CRBN: variants seen among roughly 807,000 people sequenced by gnomAD.
The protein encoded by CRBN is protein cereblon.
A neutral mutation model predicts 62.2 loss-of-function variants in CRBN; 53 were observed. That is an observed-to-expected ratio of 0.85 (90% confidence interval 0.68 to 1.07). CRBN has a LOEUF of 1.07. CRBN is among the 50% of genes least tolerant of loss of function. CRBN has a pLI of 0.00. For synonymous variants in CRBN, 208 were observed against 176.1 expected (o/e 1.18, Z -1.43); for missense variants, 616 against 531.1 (o/e 1.16, Z -1.57).
At position 3,175,274 on chromosome 3, in the gene CRBN, A is replaced by T. The variant is rs773867842; in HGVS notation, c.68-5T>A. On this transcript the variant is annotated splice_region_variant and splice_polypyrimidine_tract_variant and intron_variant, in intron 1 of 10. Transcript: ENST00000231948. ...CATCTTCTTCCTCACTCTCTGCTAT[A>T]AAAGTAGAATATTGTAAGAAAAAAA... 6 of 1,578,928 alleles carry T rather than the reference A, an allele frequency of 3.8e-6. No individual in the cohort carries two copies. The East Asian group carries it at 1.1e-4, about 29-fold the overall frequency.
intron 5 of CRBN, among the ~76,000 whole-genome samples, chr3:3,167,069 AT>A (rs1707380024): frequency 6.6e-6 from 1 of 152,066 alleles, no homozygotes; most frequent in East Asian, 1.9e-4. Flanking sequence ...GGCTCCCTCA[AT>A]TTTTTTTTCC....
chr3:3,150,972 C>G lies in CRBN; in HGVS notation c.1222G>C (p.Asp408His). 6.2e-7 allele frequency: 1 copy of G among 1,614,024 alleles called. No individual in the cohort carries two copies. Among genetic ancestry groups the G allele is most frequent in the Non-Finnish European group, 8.5e-7 (1 of 1,179,992 alleles). The change falls in exon 11 of 11, where the codon GAC becomes CAC. Residue 408 changes from aspartate to histidine, a missense_variant. Transcript: ENST00000231948. ...IGWKFTATKK[D>H]MSPQKFWGLT... ...CCCCAAAATTTTTGAGGTGACATGT[C>G]TTTTTTGGTGGCCGTAAACTTCCAT...
rs746538323 is a variant in CRBN, at chr3:3,179,682, G to A, written c.6C>T (p.Ala2=). M[A]GEGDQQDAAH... ...CAGCGTCCTGCTGATCTCCTTCGCC[G>A]GCCATGTCTGTTTACCCGCAAAGGA... The change falls in exon 1 of 11, where the codon GCC becomes GCT. Residue 2 remains alanine, a synonymous_variant. Coordinates refer to ENST00000231948, the MANE Select transcript of CRBN (RefSeq NM_016302.4). 1.3e-5 allele frequency: 21 copies of A among 1,613,120 alleles called. No individual in the cohort carries two copies. Among genetic ancestry groups the A allele is most frequent in the Middle Eastern group, 3.3e-4 (2 of 6,084 alleles).
chr3:3,154,652 A>G, intron 7 of CRBN, 95 bp downstream of exon 7: 1 of 768,074 alleles, frequency 1.3e-6, no homozygotes, highest in East Asian at 2.5e-5. Context: ...AATCAGTCTT[A>G]AAACCTAGAA....
intron 1 of CRBN, among the ~76,000 whole-genome samples, chr3:3,176,526 A>T (rs1707829513): frequency 1.3e-5 from 2 of 152,216 alleles, no homozygotes; most frequent in South Asian, 4.1e-4. Flanking sequence ...ACTTGAGGTC[A>T]GGAGTTCAAG....
At chr3:3,162,401 G>A (rs186791410) in intron 5 of CRBN, among the ~76,000 whole-genome samples, 1 of 152,064 alleles carries the variant, frequency 6.6e-6, no homozygotes, top group East Asian at 1.9e-4. Context: ...GCACTGTGAT[G>A]GGAGAAGAAG....
At chr3:3,163,748 G>T (rs698204) in intron 5 of CRBN, among the ~76,000 whole-genome samples, 4 of 151,818 alleles carry the variant, frequency 2.6e-5, no homozygotes, top group Non-Finnish European at 5.9e-5. Flanking sequence ...ATCTTGGTGC[G>T]GAAGAACTAT....
chr3:3,173,001 A>T (rs1320842823), intron 3 of CRBN, 76 bp from the exon 4 acceptor site: 1 of 1,020,012 alleles, frequency 9.8e-7, no homozygotes, highest in African/African-American at 1.6e-5. Context: ...CAAAGCAATA[A>T]ATACAGGTAA....
chr3:3,165,177 T>C (rs1430644421), intron 5 of CRBN, among the ~76,000 whole-genome samples: 5 of 152,202 alleles, frequency 3.3e-5, no homozygotes, highest in Non-Finnish European at 2.9e-5. Context: ...AGGAGTTGCT[T>C]CTTATGGATG....
At chr3:3,160,022 G>A (rs946366221) in intron 5 of CRBN, among the ~76,000 whole-genome samples, 12 of 152,294 alleles carry the variant, frequency 7.9e-5, no homozygotes, top group African/African-American at 2.6e-4. Flanking sequence ...ACCAATGACG[G>A]ATTCTCCAGC....
intron 1 of CRBN, among the ~76,000 whole-genome samples, 175 bp from the exon 2 acceptor site, chr3:3,175,444 ATT>A (rs11332452): frequency 7.7e-4 from 116 of 150,026 alleles, no homozygotes; most frequent in East Asian, 9.7e-4. Flanking sequence ...GTCAGTAGCT[ATT>A]TTTTTTTTTT....
At chr3:3,152,383 T>C (rs913781515) in intron 10 of CRBN, 73 bp downstream of exon 10, 11 of 1,475,176 alleles carry the variant, frequency 7.5e-6, no homozygotes, top group South Asian at 4.8e-5. Context: ...GCAACTCTGC[T>C]TAGGACTCTG....
chr3:3,153,260 A>C (rs1706711677), intron 9 of CRBN, 164 bp downstream of exon 9: 1 of 580,144 alleles, frequency 1.7e-6, no homozygotes, highest in Non-Finnish European at 3.2e-6. Flanking sequence ...CTGAGTACCC[A>C]ATCTGGAAGA....
At chr3:3,155,143 A>G in intron 6 of CRBN, 1 of 386,416 alleles carries the variant, frequency 2.6e-6, no homozygotes, top group Non-Finnish European at 4.7e-6. Context: ...CTATTAGGCC[A>G]TTTCTGACCC....
At chr3:3,175,757 G>C (rs919914563) in intron 1 of CRBN, among the ~76,000 whole-genome samples, 1 of 152,110 alleles carries the variant, frequency 6.6e-6, no homozygotes. Flanking sequence ...TTGTTTCTGA[G>C]TTTTGAGGAG....
chr3:3,158,199 G>A (rs945445726), intron 5 of CRBN, among the ~76,000 whole-genome samples: 2 of 152,174 alleles, frequency 1.3e-5, no homozygotes, highest in Non-Finnish European at 2.9e-5. Context: ...TAAGGAGCAC[G>A]CAGTCTAGAT....
intron 4 of CRBN, 74 bp downstream of exon 4, chr3:3,172,702 G>T: frequency 1.4e-6 from 2 of 1,461,726 alleles, no homozygotes; most frequent in South Asian, 2.3e-5. Context: ...AGGCTCAGTA[G>T]AACAGAAAAA....
At chr3:3,165,023 A>G (rs1707274765) in intron 5 of CRBN, among the ~76,000 whole-genome samples, 1 of 152,196 alleles carries the variant, frequency 6.6e-6, no homozygotes, top group African/African-American at 2.4e-5. Context: ...AGTTTACTCC[A>G]ACCCTCATGG....
At chr3:3,152,695 A>C (rs1195773961) in intron 9 of CRBN, 108 bp from the exon 10 acceptor site, 1 of 1,333,190 alleles carries the variant, frequency 7.5e-7, no homozygotes, top group African/African-American at 1.5e-5. Flanking sequence ...TGAGCTATAC[A>C]GTTTTTAATC....
Sources: allele counts gnomAD v4.1 joint callset (sites outside exome capture counted in the v4.1 genomes callset), GRCh38; gene constraint gnomAD v4.1.1; transcripts MANE v1.5; gene names NCBI Gene and HGNC (gene_info 2026-07-23, HGNC 2026-07-21).